Variants in SAMTOR observed in about 807,000 individuals in gnomAD.
SAMTOR encodes the protein UPF0532 protein C7orf60.
the SAMTOR span, among the ~76,000 whole-genome samples, chr7:112,906,316 T>C: frequency 6.6e-6 from 1 of 152,146 alleles, no homozygotes; most frequent in Non-Finnish European, 1.5e-5. Flanking sequence ...AAAAGTACAA[T>C]ATTATAATCT....
the SAMTOR span, among the ~76,000 whole-genome samples, chr7:112,847,844 A>G: frequency 6.6e-6 from 1 of 152,148 alleles, no homozygotes; most frequent in Non-Finnish European, 1.5e-5. Flanking sequence ...TAAAAACAGA[A>G]ATATGAGTAT....
chr7:112,903,815 T>C, the SAMTOR span, among the ~76,000 whole-genome samples: 3 of 152,150 alleles, frequency 2.0e-5, no homozygotes, highest in Admixed American at 6.5e-5. Context: ...AACAAAATTA[T>C]ACAAAACCAG....
At chr7:112,868,307 T>C in the SAMTOR span, among the ~76,000 whole-genome samples, 1 of 152,210 alleles carries the variant, frequency 6.6e-6, no homozygotes, top group Non-Finnish European at 1.5e-5. Context: ...TATGTAACTT[T>C]AATTCAAGAA....
chr7:112,856,085 C>T, the SAMTOR span, among the ~76,000 whole-genome samples: 1 of 151,852 alleles, frequency 6.6e-6, no homozygotes, highest in Admixed American at 6.6e-5. Context: ...TTCTTTGAAG[C>T]CATGAATATA....
the SAMTOR span, among the ~76,000 whole-genome samples, chr7:112,897,651 T>A: frequency 6.6e-6 from 1 of 152,134 alleles, no homozygotes; most frequent in Admixed American, 6.5e-5. Flanking sequence ...AAAATAACAC[T>A]TCATTTTACT....
chr7:112,935,867 G>A, the SAMTOR span, among the ~76,000 whole-genome samples: 1 of 151,992 alleles, frequency 6.6e-6, no homozygotes, highest in South Asian at 2.1e-4. Context: ...ACAGGAATGG[G>A]TTCATGTGAA....
the SAMTOR span, among the ~76,000 whole-genome samples, chr7:112,889,505 T>TAC: frequency 5.3e-5 from 8 of 151,812 alleles, no homozygotes; most frequent in East Asian, 7.7e-4. Context: ...AGAATGAGAA[T>TAC]ACACACACAC....
chr7:112,922,605 G>T, the SAMTOR span, among the ~76,000 whole-genome samples: 2 of 151,118 alleles, frequency 1.3e-5, no homozygotes, highest in African/African-American at 4.9e-5. Context: ...CCTCTGCCCC[G>T]CCGCCCCGTC....
chr7:112,864,226 T>C, the SAMTOR span, among the ~76,000 whole-genome samples: 1,660 of 152,128 alleles, frequency 0.011, 31 homozygotes, highest in African/African-American at 0.037. Flanking sequence ...ACAACCCACA[T>C]TGAAACCTAT....
the SAMTOR span, among the ~76,000 whole-genome samples, chr7:112,933,750 T>C: frequency 2.6e-5 from 4 of 152,306 alleles, no homozygotes; most frequent in East Asian, 7.7e-4. Context: ...GGACATTAAA[T>C]ATGCAGATTC....
the SAMTOR span, among the ~76,000 whole-genome samples, chr7:112,837,962 T>C: frequency 6.6e-6 from 1 of 152,010 alleles, no homozygotes; most frequent in Non-Finnish European, 1.5e-5. Context: ...TGTATTTTTC[T>C]TCGTTAAGGC....
chr7:112,902,429 C>G, the SAMTOR span, among the ~76,000 whole-genome samples: 1 of 58,576 alleles, frequency 1.7e-5, no homozygotes, highest in Non-Finnish European at 2.8e-5. Flanking sequence ...AAAAAAAAAA[C>G]AAAAAAAAAC....
At chr7:112,844,315 T>C in the SAMTOR span, among the ~76,000 whole-genome samples, 11 of 151,954 alleles carry the variant, frequency 7.2e-5, no homozygotes, top group Non-Finnish European at 1.2e-4. Flanking sequence ...CATCCAAATA[T>C]AATAGAAAGG....
chr7:112,828,462 T>C, the SAMTOR span, among the ~76,000 whole-genome samples: 7 of 152,226 alleles, frequency 4.6e-5, no homozygotes, highest in Admixed American at 4.6e-4. Flanking sequence ...TGCTTGTTTC[T>C]GAGTTAAAAT....
At chr7:112,829,484 T>C in the SAMTOR span, among the ~76,000 whole-genome samples, 4 of 152,234 alleles carry the variant, frequency 2.6e-5, no homozygotes, top group Non-Finnish European at 4.4e-5. Context: ...TGTCCCTGTT[T>C]CTGTGTCAGT....
chr7:112,822,504 T>A, the SAMTOR span: 1 of 825,280 alleles, frequency 1.2e-6, no homozygotes, highest in Non-Finnish European at 1.8e-6. Flanking sequence ...CCTTTTAAAT[T>A]ATTAAACTTG....
the SAMTOR span, among the ~76,000 whole-genome samples, chr7:112,882,622 G>C: frequency 6.6e-6 from 1 of 152,050 alleles, no homozygotes. Flanking sequence ...CAGGGAGTCG[G>C]AGGTTGCAGT....
At chr7:112,908,066 G>C in the SAMTOR span, among the ~76,000 whole-genome samples, 26 of 152,232 alleles carry the variant, frequency 1.7e-4, no homozygotes, top group African/African-American at 6.3e-4. Flanking sequence ...AGTAGCAAAA[G>C]CTTGTAAACA....
At chr7:112,849,205 T>C in the SAMTOR span, among the ~76,000 whole-genome samples, 3 of 152,336 alleles carry the variant, frequency 2.0e-5, 1 homozygote, top group African/African-American at 7.2e-5. Context: ...TTAAATCCAA[T>C]TCTGCTACCA....
Sources: allele counts gnomAD v4.1 joint callset (sites outside exome capture counted in the v4.1 genomes callset), GRCh38; gene constraint gnomAD v4.1.1; transcripts MANE v1.5; gene names NCBI Gene and HGNC (gene_info 2026-07-23, HGNC 2026-07-21).